NBPF14: variants seen among roughly 807,000 people sequenced by gnomAD.
The protein encoded by NBPF14 is NBPF member 14, also known as NBPF family member NBPF14.
In NBPF14, 104 loss-of-function variants were observed where a neutral mutation model predicts 91.2. The observed-to-expected ratio is 1.14, with a 90% CI of 0.97 to 1.34. The LOEUF (loss-of-function observed/expected upper bound fraction) is 1.34, where lower values mean the gene tolerates loss of function less well. NBPF14 is among the 40% of genes most tolerant of loss of function. The pLI, the probability that NBPF14 is intolerant of heterozygous loss-of-function variation, is 0.00. For missense variants in NBPF14, 908 were observed against 783.0 expected, an observed-to-expected ratio of 1.16 and a Z score of -1.91; for synonymous variants, 294 against 303.8, an observed-to-expected ratio of 0.97 and a Z score of 0.34.
chr1:148,587,268 G>A (rs1205708212), intron 8 of NBPF14, 33 bp downstream of exon 8: 10 of 1,514,850 alleles, frequency 6.6e-6, no homozygotes, highest in Admixed American at 3.4e-5. Flanking sequence ...TTACACACCT[G>A]CCCCCCTGCC....
intron 70 of NBPF14, among the ~76,000 whole-genome samples, chr1:148,533,476 G>C (rs1338020478): frequency 1.3e-5 from 2 of 151,776 alleles, no homozygotes; most frequent in Non-Finnish European, 1.5e-5. Flanking sequence ...GAGACAGAGA[G>C]AAAGTGACCT....
At chr1:148,561,816 CACAG>C (rs1373346549) in intron 34 of NBPF14, among the ~76,000 whole-genome samples, 7 of 129,842 alleles carry the variant, frequency 5.4e-5, no homozygotes, top group South Asian at 2.4e-4. Context: ...CACACACACA[CACAG>C]AGAGAGAGAG....
rs1344812679 is a variant in NBPF14 at position 148,534,671 on chromosome 1, G to C, written c.8614+13C>G. ...CAGGTGGAGGCTTATCACCTTCATA[G>C]TAAGGTACTCACTGTCCACGTCAAG... On this transcript the variant is annotated intron_variant, in intron 69 of 70. Coordinates refer to ENST00000619423, the Ensembl canonical transcript of NBPF14. 34 of 804,132 alleles carry C rather than the reference G, an allele frequency of 4.2e-5. No homozygotes were observed. The highest frequency in any genetic ancestry group is 3.3e-4 in the African/African-American group (19 of 58,362). The allele number at this position is 804,132 out of a possible 1,614,324, so 49.8% of individuals were successfully genotyped here. A position where few individuals can be genotyped will look rare whatever the true frequency, so the allele number is the denominator to read the frequency against.
chr1:148,533,470 CAGAG>C (rs1654130626), intron 70 of NBPF14, among the ~76,000 whole-genome samples: 1 of 151,226 alleles, frequency 6.6e-6, no homozygotes, highest in East Asian at 1.9e-4. Flanking sequence ...GAGACAGAGA[CAGAG>C]AGAAAGTGAC....
At chr1:148,542,107 T>G (rs1258343581) in intron 59 of NBPF14, among the ~76,000 whole-genome samples, 2 of 102,352 alleles carry the variant, frequency 2.0e-5, no homozygotes, top group African/African-American at 7.4e-5. Context: ...TTACGCCATA[T>G]TTTTCCAATC....
In NBPF14 at chr1:148,559,970, A is replaced by C; in HGVS notation, c.4557-5T>G. 2.3e-6 allele frequency: 3 copies of C among 1,279,016 alleles called. No homozygotes were observed. The highest frequency in any genetic ancestry group is 2.5e-5 in the South Asian group (2 of 78,748). 79.2% of individuals were successfully genotyped at this position (1,279,016 alleles called of 1,614,324 possible). ...TGCAGCAGCTCCCTGCTGAGCCTGG[A>C]AAAGTGGAAAAAAGTAAAGAATAAG... On this transcript the variant is annotated splice_region_variant and splice_polypyrimidine_tract_variant and intron_variant, in intron 36 of 70. Transcript: ENST00000619423.
chr1:148,557,615 C>T, intron 39 of NBPF14, 73 bp from the exon 40 acceptor site: 1 of 580,468 alleles, frequency 1.7e-6, no homozygotes, highest in Non-Finnish European at 3.0e-6. Flanking sequence ...ACTGTCTAAT[C>T]CCCACACAGG....
chr1:148,576,067 A>T (rs1570983789), intron 16 of NBPF14, among the ~76,000 whole-genome samples: 1 of 145,914 alleles, frequency 6.9e-6, no homozygotes, highest in Non-Finnish European at 1.5e-5. Context: ...TGACACACTG[A>T]TGAAGGGGTT....
At chr1:148,591,491 A>G in exon 5 of NBPF14, 1 of 1,607,994 alleles carries the variant, frequency 6.2e-7, no homozygotes, top group South Asian at 1.1e-5. Flanking sequence ...CTTCATCCTC[A>G]TCTTCGTCAT....
chr1:148,559,986 A>G, intron 36 of NBPF14, 21 bp from the exon 37 acceptor site: 3 of 1,144,238 alleles, frequency 2.6e-6, no homozygotes, highest in South Asian at 2.6e-5. Flanking sequence ...GGAAAAAAGT[A>G]AAGAATAAGC....
chr1:148,559,367 C>G (rs1472069579), intron 37 of NBPF14, among the ~76,000 whole-genome samples: 1 of 131,692 alleles, frequency 7.6e-6, no homozygotes, highest in Non-Finnish European at 1.5e-5. Flanking sequence ...AAAGCAATTG[C>G]CCCCAAATGG....
At chr1:148,571,274 C>CAGAG (rs1217747589) in intron 22 of NBPF14, among the ~76,000 whole-genome samples, 21 of 58,280 alleles carry the variant, frequency 3.6e-4, no homozygotes, top group East Asian at 1.5e-3. Context: ...CACACACACA[C>CAGAG]AGAGAGAGAG....
At position 148,587,499 on chromosome 1, in the gene NBPF14, A is replaced by G; in HGVS notation, c.989-96T>C. ...AGGAGCCAGGTCCATCCCAAGGACA[A>G]AACTCTCCCCAGTACCAGGGTCTAG... On this transcript the variant is annotated intron_variant, in intron 7 of 70. Coordinates refer to ENST00000619423, the Ensembl canonical transcript of NBPF14. 5 of 1,236,750 alleles carry G rather than the reference A, an allele frequency of 4.0e-6. No homozygotes were observed. The East Asian group carries it at 1.1e-4, about 28-fold the overall frequency. The allele number at this position is 1,236,750 out of a possible 1,614,324, so 76.6% of individuals were successfully genotyped here. A position where few individuals can be genotyped will look rare whatever the true frequency, so the allele number is the denominator to read the frequency against.
At chr1:148,534,645 C>T (rs1219956201) in intron 69 of NBPF14, 39 bp downstream of exon 69, 6 of 868,636 alleles carry the variant, frequency 6.9e-6, no homozygotes, top group Non-Finnish European at 9.9e-6. Context: ...ATCTGGAAGA[C>T]CAGGTGGAGG....
At chr1:148,559,942 T>G (rs1246054212) in exon 37 of NBPF14, 1 of 1,387,664 alleles carries the variant, frequency 7.2e-7, no homozygotes, top group East Asian at 2.5e-5. Flanking sequence ...AGGCCCTTTC[T>G]CATGCAGCAG....
intron 11 of NBPF14, among the ~76,000 whole-genome samples, chr1:148,583,799 G>A (rs1661110543): frequency 1.6e-5 from 1 of 64,012 alleles, no homozygotes; most frequent in Non-Finnish European, 2.5e-5. Context: ...AATCTGGGAG[G>A]CAGAGGTTGC....
intron 37 of NBPF14, 108 bp downstream of exon 37, chr1:148,559,685 C>G (rs1315564877): frequency 5.6e-5 from 38 of 675,388 alleles, no homozygotes; most frequent in South Asian, 1.7e-4. Context: ...ATAGGTCCTC[C>G]CTGTGGCAAT....
intron 69 of NBPF14, 46 bp downstream of exon 69, chr1:148,534,638 T>C (rs1166755465): frequency 1.6e-5 from 14 of 881,426 alleles, no homozygotes; most frequent in South Asian, 3.9e-5. Context: ...CACCCCTATC[T>C]GGAAGACCAG....
rs1349855394 is a variant in NBPF14, at chr1:148,595,420, T to C, written c.175+123A>G. 703 of 1,274,080 alleles carry C rather than the reference T, an allele frequency of 5.5e-4. 37 individuals carry two copies. Among genetic ancestry groups the C allele is most frequent in the Non-Finnish European group, 6.8e-4 (613 of 898,028 alleles). 78.9% of individuals were successfully genotyped at this position (1,274,080 alleles called of 1,614,324 possible). A position where few individuals can be genotyped will look rare whatever the true frequency, so the allele number is the denominator to read the frequency against. On this transcript the variant is annotated intron_variant, in intron 2 of 70. Coordinates refer to ENST00000619423, the Ensembl canonical transcript of NBPF14. ...CTTTAACAAAATGTTAAAATACCCATTTCTGTTTTCTTAGAAGTACAGGAA... is the reference window on the plus strand; with the variant it reads ...CTTTAACAAAATGTTAAAATACCCACTTCTGTTTTCTTAGAAGTACAGGAA...
Sources: allele counts gnomAD v4.1 joint callset (sites outside exome capture counted in the v4.1 genomes callset), GRCh38; gene constraint gnomAD v4.1.1; transcripts MANE v1.5; gene names NCBI Gene and HGNC (gene_info 2026-07-23, HGNC 2026-07-21).